Variants in IFT80 observed in about 807,000 individuals in gnomAD.
IFT80 encodes intraflagellar transport protein 80 homolog.
Under a neutral mutation model 107.9 loss-of-function variants are expected in IFT80, and 79 were observed. The observed-to-expected ratio is 0.73, with a 90% CI of 0.61 to 0.88. The LOEUF (loss-of-function observed/expected upper bound fraction) is 0.88, where lower values mean the gene tolerates loss of function less well. IFT80 is among the 40% of genes least tolerant of loss of function. IFT80 has a pLI of 0.00. For missense variants in IFT80, 797 were observed against 914.2 expected, an observed-to-expected ratio of 0.87 and a Z score of 1.65; for synonymous variants, 299 against 300.9, an observed-to-expected ratio of 0.99 and a Z score of 0.07.
chr3:160,280,839 T>A (rs1042643447), intron 14 of IFT80, 25 bp from the exon 15 acceptor site: 7 of 1,598,164 alleles, frequency 4.4e-6, no homozygotes, highest in Non-Finnish European at 6.0e-6. Context: ...AATGTTAATG[T>A]GCTATTAGCT....
intron 19 of IFT80, among the ~76,000 whole-genome samples, chr3:160,268,006 A>G (rs1344590684): frequency 1.3e-5 from 2 of 152,206 alleles, no homozygotes; most frequent in African/African-American, 4.8e-5. Flanking sequence ...AGCTTTCTAG[A>G]ATTCTACAAA....
At chr3:160,392,673 A>T (rs1313183541) in intron 1 of IFT80, among the ~76,000 whole-genome samples, 1 of 152,212 alleles carries the variant, frequency 6.6e-6, no homozygotes, top group Non-Finnish European at 1.5e-5. Context: ...CCGCAATCCA[A>T]GATGCCATCT....
In IFT80 at chr3:160,277,315, TTG is replaced by T; in HGVS notation, c.2088_2089del (p.Tyr696Ter). On this transcript the variant is annotated stop_gained and frameshift_variant, in exon 18 of 20. Transcript: ENST00000326448. LOFTEE classifies it high-confidence loss of function. ...AAAGCATTCTTATTACCTTTCCCAG[TTG>T]TAGAGATTAATATTGATCTGGATTG... is the stretch of plus-strand genomic sequence containing the variant. 6.2e-7 allele frequency: 1 copy of T among 1,612,302 alleles called. No homozygotes were observed. The highest frequency in any genetic ancestry group is 8.5e-7 in the Non-Finnish European group (1 of 1,179,600).
intron 2 of IFT80, chr3:160,383,611 C>A: frequency 1.1e-6 from 1 of 947,786 alleles, no homozygotes; most frequent in Non-Finnish European, 1.3e-6. Flanking sequence ...AAAAATTTCT[C>A]AGCCCTTACT....
At chr3:160,375,164 C>T (rs527787821) in intron 5 of IFT80, among the ~76,000 whole-genome samples, 6 of 152,200 alleles carry the variant, frequency 3.9e-5, no homozygotes, top group African/African-American at 9.6e-5. Flanking sequence ...CTCAGGTAAA[C>T]ATTAAAACTG....
At chr3:160,374,228 T>C (rs1711800716) in intron 5 of IFT80, among the ~76,000 whole-genome samples, 1 of 151,804 alleles carries the variant, frequency 6.6e-6, no homozygotes, top group African/African-American at 2.4e-5. Context: ...GGAGGATCAC[T>C]TGAGCCCAGG....
chr3:160,277,901 GATTT>G (rs1327224566), intron 16 of IFT80, among the ~76,000 whole-genome samples: 2 of 151,794 alleles, frequency 1.3e-5, no homozygotes, highest in African/African-American at 4.8e-5. Context: ...AGTTATTAAG[GATTT>G]ATTTCTGAAT....
intron 8 of IFT80, 103 bp from the exon 9 acceptor site, chr3:160,320,042 A>C: frequency 1.3e-6 from 1 of 765,100 alleles, no homozygotes. Flanking sequence ...TTTTAAAAGA[A>C]TGTCTATTCT....
chr3:160,391,847 A>G (rs1177320859), intron 1 of IFT80, among the ~76,000 whole-genome samples: 1 of 152,254 alleles, frequency 6.6e-6, no homozygotes, highest in African/African-American at 2.4e-5. Context: ...TAAGTGATAG[A>G]GAATAGTTGC....
In IFT80 at chr3:160,382,376, T is replaced by A. The variant is rs190524258; in HGVS notation, c.38-652A>T. Among the ~76,000 whole-genome samples the A allele has an allele frequency of 3.3e-5, 5 of 152,312 alleles. No individual in the cohort carries two copies. The East Asian group carries it at 9.7e-4, about 29-fold the overall frequency. ...ATTGACAATACCAAACTTTCCTACA[T>A]TAAAATTAGGAAATAATTCAATTAT... is the stretch of plus-strand genomic sequence containing the variant. On this transcript the variant is annotated intron_variant, in intron 2 of 19. Transcript: ENST00000326448.
intron 8 of IFT80, among the ~76,000 whole-genome samples, chr3:160,348,903 G>A (rs1720476946): frequency 6.6e-6 from 1 of 152,160 alleles, no homozygotes; most frequent in African/African-American, 2.4e-5. Context: ...TAGATTAGTG[G>A]TTGCCAGGGA....
At chr3:160,324,235 T>C (rs1362397203) in intron 8 of IFT80, among the ~76,000 whole-genome samples, 2 of 152,162 alleles carry the variant, frequency 1.3e-5, no homozygotes, top group Non-Finnish European at 2.9e-5. Context: ...TCTGAAACTA[T>C]TCCAGTCAAT....
chr3:160,272,452 C>T (rs897949746), intron 18 of IFT80, among the ~76,000 whole-genome samples: 3 of 152,042 alleles, frequency 2.0e-5, no homozygotes, highest in Non-Finnish European at 4.4e-5. Flanking sequence ...TGATCATTGT[C>T]GAAGTGAATG....
intron 8 of IFT80, among the ~76,000 whole-genome samples, chr3:160,323,697 C>G (rs1228930020): frequency 2.0e-5 from 3 of 151,804 alleles, no homozygotes; most frequent in Non-Finnish European, 1.5e-5. Flanking sequence ...AATTGACACC[C>G]TAACATCACA....
intron 4 of IFT80, 32 bp downstream of exon 4, chr3:160,377,398 C>A (rs767031458): frequency 1.6e-6 from 2 of 1,253,320 alleles, no homozygotes; most frequent in East Asian, 2.3e-5. Flanking sequence ...TTAAAATATT[C>A]ATTTCAAATG....
intron 8 of IFT80, among the ~76,000 whole-genome samples, chr3:160,334,695 G>T (rs1342384643): frequency 3.9e-5 from 6 of 152,134 alleles, no homozygotes; most frequent in African/African-American, 1.4e-4. Context: ...GATTACAGGC[G>T]TGGGCCACTG....
chr3:160,316,913 A>C (rs1717862619), intron 9 of IFT80, among the ~76,000 whole-genome samples: 1 of 152,182 alleles, frequency 6.6e-6, no homozygotes, highest in South Asian at 2.1e-4. Flanking sequence ...GAGGAAGAGA[A>C]AGAGATGAAG....
At chr3:160,288,257 C>T (rs1247061398) in intron 12 of IFT80, among the ~76,000 whole-genome samples, 3 of 152,048 alleles carry the variant, frequency 2.0e-5, no homozygotes, top group East Asian at 1.9e-4. Flanking sequence ...GGCGTGAACC[C>T]GGGAGGCGGA....
intron 19 of IFT80, among the ~76,000 whole-genome samples, chr3:160,264,254 T>C (rs1435069218): frequency 2.1e-5 from 3 of 145,694 alleles, no homozygotes; most frequent in Non-Finnish European, 4.5e-5. Context: ...GAACTACAGG[T>C]ACATGCCACC....
Sources: gnomAD v4.1 joint callset for allele counts (sites outside exome capture counted in the v4.1 genomes callset) on GRCh38, gnomAD v4.1.1 for gene constraint, MANE v1.5 for transcripts, NCBI Gene and HGNC (gene_info 2026-07-23, HGNC 2026-07-21) for gene names.